Variants in CAMK1D observed in about 807,000 individuals in gnomAD.
The protein encoded by CAMK1D is calcium/calmodulin dependent protein kinase ID.
In CAMK1D, 9 loss-of-function variants were observed where a neutral mutation model predicts 47.7. That is an observed-to-expected ratio of 0.19 (90% confidence interval 0.11 to 0.33). CAMK1D has a LOEUF of 0.33. Ranked by LOEUF, CAMK1D falls within the 10% of genes least tolerant of loss-of-function variation. The pLI, the probability that CAMK1D is intolerant of heterozygous loss-of-function variation, is 1.00. For synonymous variants in CAMK1D, 184 were observed against 184.9 expected, an observed-to-expected ratio of 0.99 and a Z score of 0.04; for missense variants, 291 against 488.7, an observed-to-expected ratio of 0.60 and a Z score of 3.81.
In CAMK1D at chr10:12,751,127, A is replaced by AT. The variant is rs1238149812; in HGVS notation, c.300-9821_300-9820insT. Among the ~76,000 whole-genome samples the AT allele has an allele frequency of 5.2e-4, 73 of 140,940 alleles. 2 individuals are homozygous for AT. In the East Asian group the frequency reaches 0.011, roughly 21 times the overall value. 92.5% of individuals were successfully genotyped at this position (140,940 alleles called of 152,430 possible). A position where few individuals can be genotyped will look rare whatever the true frequency, so the allele number is the denominator to read the frequency against. The stretch of plus-strand genomic sequence containing the variant: ...ATAAGATAAGATAAGATAAGATAAG[A>AT]AGGCTTCAGAAGGCTTCTTTCGTGA... On this transcript the variant is annotated intron_variant, in intron 3 of 10. Coordinates refer to ENST00000619168, the MANE Select transcript of CAMK1D (RefSeq NM_153498.4).
At chr10:12,479,408 C>A (rs1833997764) in intron 1 of CAMK1D, among the ~76,000 whole-genome samples, 1 of 152,122 alleles carries the variant, frequency 6.6e-6, no homozygotes, top group African/African-American at 2.4e-5. Flanking sequence ...GTTGGTCAGG[C>A]TGGTCTCGAA....
At chr10:12,628,541 G>A (rs895280065) in intron 2 of CAMK1D, among the ~76,000 whole-genome samples, 26 of 152,158 alleles carry the variant, frequency 1.7e-4, no homozygotes, top group African/African-American at 6.3e-4. Context: ...TCTTGAATTA[G>A]GGTGGTACAT....
rs146092755 is a variant in CAMK1D at position 12,410,541 on chromosome 10, A to G, written c.92+60631A>G. ...TAATAAATGTGTCTCACAGAGCTAA[A>G]GCAATGCACAGAAGAAAGGACTTCT... On this transcript the variant is annotated intron_variant, in intron 1 of 10. Transcript: ENST00000619168. Among the ~76,000 whole-genome samples the G allele has an allele frequency of 2.3e-3, 352 of 152,354 alleles. 4 individuals are homozygous for G. Among genetic ancestry groups the G allele is most frequent in the African/African-American group, 8.3e-3 (346 of 41,582 alleles).
At chr10:12,415,088 T>C (rs1440125226) in intron 1 of CAMK1D, among the ~76,000 whole-genome samples, 1 of 152,142 alleles carries the variant, frequency 6.6e-6, no homozygotes, top group Non-Finnish European at 1.5e-5. Flanking sequence ...GTCTGATTAT[T>C]ATAGTCAGGG....
intron 10 of CAMK1D, among the ~76,000 whole-genome samples, chr10:12,828,521 A>G (rs914498533): frequency 1.1e-4 from 16 of 152,020 alleles, no homozygotes; most frequent in African/African-American, 3.9e-4. Flanking sequence ...AGCCCCTGTA[A>G]TCCCAGCTAC....
intron 1 of CAMK1D, among the ~76,000 whole-genome samples, chr10:12,506,267 A>G (rs916623615): frequency 1.3e-5 from 2 of 152,060 alleles, no homozygotes; most frequent in Non-Finnish European, 2.9e-5. Flanking sequence ...TAAAAACACA[A>G]AAACTAGCCG....
At chr10:12,549,861 C>A (rs1278752795) in intron 1 of CAMK1D, among the ~76,000 whole-genome samples, 1 of 152,214 alleles carries the variant, frequency 6.6e-6, no homozygotes, top group Non-Finnish European at 1.5e-5. Flanking sequence ...TCTGAGGAGA[C>A]CCCTCGCTCC....
chr10:12,673,911 T>C (rs1253867584), intron 3 of CAMK1D, among the ~76,000 whole-genome samples: 1 of 152,202 alleles, frequency 6.6e-6, no homozygotes, highest in African/African-American at 2.4e-5. Flanking sequence ...CTCAGTGGTT[T>C]ACGCTCCTGA....
At chr10:12,477,254 A>G (rs1159817350) in intron 1 of CAMK1D, among the ~76,000 whole-genome samples, 1 of 152,152 alleles carries the variant, frequency 6.6e-6, no homozygotes, top group Non-Finnish European at 1.5e-5. Flanking sequence ...CGTCTCTACT[A>G]AAAATACGAA....
chr10:12,829,144 T>C lies in CAMK1D; in HGVS notation c.*257T>C. On this transcript the variant is annotated 3_prime_UTR_variant, in exon 11 of 11. Coordinates refer to ENST00000619168, the MANE Select transcript of CAMK1D (RefSeq NM_153498.4). ...TATACGAATCTTGCAAAGCTCTAAC[T>C]GAACGGACCTTCTTATTCCTCTCCC... 2.6e-6 allele frequency: 1 copy of C among 391,832 alleles called. No homozygotes were observed. Among genetic ancestry groups the C allele is most frequent in the South Asian group, 4.1e-5 (1 of 24,178 alleles). The allele number at this position is 391,832 out of a possible 1,614,324, so 24.3% of individuals were successfully genotyped here.
chr10:12,768,494 G>T (rs1241286940), intron 4 of CAMK1D, among the ~76,000 whole-genome samples: 1 of 152,188 alleles, frequency 6.6e-6, no homozygotes, highest in Non-Finnish European at 1.5e-5. Context: ...GTGGGAAAGT[G>T]CCTTTCCCAT....
At chr10:12,367,716 C>T (rs1024551701) in intron 1 of CAMK1D, among the ~76,000 whole-genome samples, 2 of 152,018 alleles carry the variant, frequency 1.3e-5, no homozygotes, top group African/African-American at 4.8e-5. Flanking sequence ...ACTCTAATGC[C>T]ACCGCTGACT....
intron 2 of CAMK1D, among the ~76,000 whole-genome samples, chr10:12,594,789 G>T (rs1195927930): frequency 6.6e-6 from 1 of 152,162 alleles, no homozygotes; most frequent in Non-Finnish European, 1.5e-5. Flanking sequence ...GAGGTTGAAC[G>T]TGTGGTTCTC....
intron 2 of CAMK1D, among the ~76,000 whole-genome samples, chr10:12,614,291 G>A (rs992955749): frequency 2.0e-5 from 3 of 152,170 alleles, no homozygotes; most frequent in Admixed American, 6.5e-5. Context: ...GTGTTCACTT[G>A]GTGTTGTCAT....
intron 2 of CAMK1D, among the ~76,000 whole-genome samples, chr10:12,603,566 G>A (rs1279776854): frequency 6.6e-6 from 1 of 152,212 alleles, no homozygotes; most frequent in East Asian, 1.9e-4. Flanking sequence ...TGTGCTATTC[G>A]ATGGAGTGGG....
chr10:12,697,325 TAAA>T (rs1038343569), intron 3 of CAMK1D, among the ~76,000 whole-genome samples: 2 of 152,160 alleles, frequency 1.3e-5, no homozygotes, highest in Non-Finnish European at 2.9e-5. Flanking sequence ...TTGCTAAACG[TAAA>T]GCAACAAAGA....
chr10:12,570,680 C>CAAAAAA (rs35160242), intron 2 of CAMK1D, among the ~76,000 whole-genome samples: 1 of 84,574 alleles, frequency 1.2e-5, no homozygotes, highest in Non-Finnish European at 2.5e-5. Context: ...AACTCCATCT[C>CAAAAAA]AAAAAAAAAA....
At chr10:12,772,432 G>A (rs1201062572) in intron 5 of CAMK1D, among the ~76,000 whole-genome samples, 1 of 152,230 alleles carries the variant, frequency 6.6e-6, no homozygotes, top group Non-Finnish European at 1.5e-5. Flanking sequence ...CCCTTGGGCT[G>A]TGATTTAAAT....
chr10:12,697,889 G>A (rs1474666850), intron 3 of CAMK1D, among the ~76,000 whole-genome samples: 2 of 152,180 alleles, frequency 1.3e-5, no homozygotes, highest in African/African-American at 4.8e-5. Flanking sequence ...AGGTCAGTAG[G>A]CTTTGCGGGC....
Sources: allele counts gnomAD v4.1 joint callset (sites outside exome capture counted in the v4.1 genomes callset), GRCh38; gene constraint gnomAD v4.1.1; transcripts MANE v1.5; gene names NCBI Gene and HGNC (gene_info 2026-07-23, HGNC 2026-07-21).